The following VWCE variants were observed in gnomAD, a reference collection of about 807,000 sequenced individuals.
VWCE encodes the protein von Willebrand factor C and EGF domain-containing protein.
A neutral mutation model predicts 102.9 loss-of-function variants in VWCE; 68 were observed. The observed-to-expected ratio is 0.66, with a 90% confidence interval of 0.54 to 0.81. The LOEUF is 0.81. Among genes scored for constraint, VWCE ranks in the 30% least tolerant of loss-of-function variants. The pLI is 0.00. For synonymous variants in VWCE, 497 were observed against 515.4 expected, an observed-to-expected ratio of 0.96 and a Z score of 0.48; for missense variants, 1,137 against 1,263.6, an observed-to-expected ratio of 0.90 and a Z score of 1.52.
At chr11:61,266,463 G>A (rs1192454721) in intron 16 of VWCE, among the ~76,000 whole-genome samples, 6 of 151,868 alleles carry the variant, frequency 4.0e-5, no homozygotes, top group South Asian at 4.2e-4. Flanking sequence ...TAGGAGGATC[G>A]CTTGAGCCCA....
rs1213539090 is a variant in VWCE at position 61,259,276 on chromosome 11, G to A, written c.2267C>T (p.Ser756Phe). 2 of 1,599,550 alleles carry A rather than the reference G, an allele frequency of 1.3e-6. No individual in the cohort carries two copies. The highest frequency in any genetic ancestry group is 8.5e-7 in the Non-Finnish European group (1 of 1,171,488). Residue 756 changes from serine (S) to phenylalanine (F), a missense_variant, in exon 20 of 20, where the codon TCC (serine) becomes TTC (phenylalanine). Physicochemically the swap from Ser to Phe is radical, Grantham distance 155. Coordinates refer to ENST00000335613, the MANE Select transcript of VWCE (RefSeq NM_152718.2). ...LSPLEEKQGL[S>F]PHGNVAFSKA... ...GCTGAATGCCACATTTCCGTGAGGGGAGAGCCCCTGCTTTTCTTCCAGAGG... is the reference window on the plus strand; with the variant it reads ...GCTGAATGCCACATTTCCGTGAGGGAAGAGCCCCTGCTTTTCTTCCAGAGG...
At chr11:61,292,941 C>A (rs572142971) in intron 1 of VWCE, among the ~76,000 whole-genome samples, 28 of 151,506 alleles carry the variant, frequency 1.8e-4, no homozygotes, top group African/African-American at 6.8e-4. Flanking sequence ...AACCCTGTCT[C>A]CACTAAAAAA....
rs1855098779 is a variant in VWCE at position 61,280,797 on chromosome 11, C to T, written c.1226G>A (p.Cys409Tyr). ...CCGGGGACCCCTAGTACCCACCTCGCACCAGCACTGGGAACACCCAGGCTC... is the reference window on the plus strand; with the variant it reads ...CCGGGGACCCCTAGTACCCACCTCGTACCAGCACTGGGAACACCCAGGCTC... Reference protein sequence around the residue: ...WTEPGCSQCWCEDGKVTCEKV... With the variant: ...WTEPGCSQCWYEDGKVTCEKV... Residue 409 changes from cysteine (C) to tyrosine (Y), a missense_variant, in exon 8 of 20, where the codon TGC becomes TAC. Physicochemically the swap from Cys to Tyr is radical, Grantham distance 194 (BLOSUM62 -2). Around this residue, in one of 5 missense-constraint regions of VWCE, gnomAD observed 575 missense variants for 625.9 expected, o/e 0.92. Transcript: ENST00000335613. The T allele has an allele frequency of 1.9e-6, 3 of 1,598,124 alleles. No individual in the cohort carries two copies. The highest frequency in any genetic ancestry group is 2.2e-5 in the East Asian group (1 of 44,792).
Position 61,294,896 on chromosome 11 carries a change from C to CG in VWCE, c.110+31dup, listed in dbSNP as rs1270962278. 9 of 1,346,640 alleles carry CG rather than the reference C, an allele frequency of 6.7e-6. No individual in the cohort carries two copies. Among genetic ancestry groups the CG allele is most frequent in the Admixed American group, 3.1e-5 (1 of 31,912 alleles). The allele number at this position is 1,346,640 out of a possible 1,614,324, so 83.4% of individuals were successfully genotyped here. On this transcript the variant is annotated intron_variant, in intron 1 of 19. Coordinates refer to ENST00000335613, the MANE Select transcript of VWCE (RefSeq NM_152718.2). This position sits in a 1 kb window ranked among gnomAD's most constrained non-coding sequence, Gnocchi z 6.3. ...TGCACGCCGGTAGCGCTCTCCCGGG[C>CG]GGGGGAGCGGGGAGGAGCTCCGGGC...
intron 16 of VWCE, 89 bp downstream of exon 16, chr11:61,267,373 G>A: frequency 7.7e-7 from 1 of 1,302,554 alleles, no homozygotes; most frequent in Non-Finnish European, 1.1e-6. Context: ...TGTCTTGGAG[G>A]TCTCTGGATT....
chr11:61,264,431 A>G, intron 19 of VWCE, 56 bp downstream of exon 19: 4 of 1,546,788 alleles, frequency 2.6e-6, no homozygotes, highest in South Asian at 1.2e-5. Flanking sequence ...ACCGGGGAAG[A>G]AAAGTAAAAT....
intron 10 of VWCE, among the ~76,000 whole-genome samples, chr11:61,277,399 A>G (rs1854962090): frequency 6.7e-6 from 1 of 149,824 alleles, no homozygotes; most frequent in Non-Finnish European, 1.5e-5. Context: ...GCTTGAGCCC[A>G]GGAATTTGAG....
chr11:61,293,486 A>T (rs1397882407), intron 1 of VWCE, among the ~76,000 whole-genome samples: 1 of 151,402 alleles, frequency 6.6e-6, no homozygotes, highest in Non-Finnish European at 1.5e-5. Context: ...CTAGCAGGGG[A>T]AACAGCACAA....
chr11:61,292,660 G>A (rs911335030), intron 1 of VWCE, among the ~76,000 whole-genome samples: 1 of 152,168 alleles, frequency 6.6e-6, no homozygotes, highest in Non-Finnish European at 1.5e-5. Context: ...GCATCCAACT[G>A]GTGCTGGGTG....
Position 61,278,462 on chromosome 11 carries a change from C to T in VWCE, c.1339G>A (p.Gly447Ser). ...ACATCCCCTTCAGCTCGGACGACAC[C>T]ACTGTGAAAACAGCCTTTGAAGGAC... is the stretch of plus-strand genomic sequence containing the variant. The part of the protein sequence containing the change: ...CPSCTGCFHS[G>S]VVRAEGDVFS... Residue 447 changes from glycine (G) to serine (S), a missense_variant, in exon 10 of 20, where the codon GGT becomes AGT. Gly to Ser is a moderately conservative substitution (Grantham distance 56, BLOSUM62 0). This residue lies in a region of VWCE where 575 missense variants were observed against 625.9 expected (regional missense o/e 0.92). Transcript: ENST00000335613. The T allele has an allele frequency of 6.2e-7, 1 of 1,614,136 alleles. No homozygotes were observed.
At chr11:61,270,824 A>G (rs1178595041) in intron 14 of VWCE, among the ~76,000 whole-genome samples, 1 of 138,540 alleles carries the variant, frequency 7.2e-6, no homozygotes, top group African/African-American at 2.8e-5. Flanking sequence ...TGTTACACAC[A>G]CTTTTTTTTT....
chr11:61,273,427 G>T, intron 12 of VWCE, 111 bp from the exon 13 acceptor site: 1 of 987,808 alleles, frequency 1.0e-6, no homozygotes, highest in Non-Finnish European at 1.5e-6. Flanking sequence ...CTACTCAAGT[G>T]AAACTGACAA....
chr11:61,267,656 T>C, intron 15 of VWCE, 112 bp from the exon 16 acceptor site: 2 of 936,974 alleles, frequency 2.1e-6, no homozygotes, highest in Non-Finnish European at 1.7e-6. Flanking sequence ...GCCATGTGCC[T>C]CCCCAGGCAG....
intron 14 of VWCE, chr11:61,269,372 C>T (rs1854605353): frequency 4.3e-6 from 1 of 230,734 alleles, no homozygotes; most frequent in East Asian, 8.9e-5. Context: ...ACCATAAAAC[C>T]CTATTTTTAG....
rs143604690 is a variant in VWCE at position 61,268,962 on chromosome 11, C to A, written c.1842G>T (p.Pro614=). The A allele has an allele frequency of 8.0e-5, 129 of 1,614,150 alleles. 2 individuals carry two copies. The African/African-American group carries it at 1.4e-3, about 17-fold the overall frequency. ...RTDCVDSCPH[P]IRIPGQCCPD... ...GGCAGCACTGTCCAGGGATCCGGAT[C>A]GGGTGAGGGCAGGAGTCCACACAGT... is the stretch of plus-strand genomic sequence containing the variant. The change falls in exon 15 of 20, where the codon CCG becomes CCT. Residue 614 remains proline, a synonymous_variant. Transcript: ENST00000335613.
At chr11:61,265,075 G>C in intron 17 of VWCE, 37 bp from the exon 18 acceptor site, 1 of 1,613,946 alleles carries the variant, frequency 6.2e-7, no homozygotes, top group Non-Finnish European at 8.5e-7. Context: ...CATGAGAGCC[G>C]AGGCCTGGCC....
At position 61,289,488 on chromosome 11, in the gene VWCE, G is replaced by A. The variant is rs180843568; in HGVS notation, c.424+1311C>T. On this transcript the variant is annotated intron_variant, in intron 4 of 19. Transcript: ENST00000335613. Reference sequence around the variant, plus strand: ...TGGTCTTGAACTCCTGACCTCAAGTGATCCACCCGCCTCGGCCTCCCAAAG... The same window carrying A: ...TGGTCTTGAACTCCTGACCTCAAGTAATCCACCCGCCTCGGCCTCCCAAAG... Among the ~76,000 whole-genome samples the A allele has an allele frequency of 6.7e-3, 1,018 of 151,984 alleles. 13 individuals are homozygous for A. Among genetic ancestry groups the A allele is most frequent in the African/African-American group, 0.024 (984 of 41,440 alleles).
intron 9 of VWCE, among the ~76,000 whole-genome samples, chr11:61,279,976 C>G (rs1021140072): frequency 1.3e-5 from 2 of 152,230 alleles, no homozygotes; most frequent in Admixed American, 1.3e-4. Flanking sequence ...ATCCGCCCAC[C>G]TCGGCCTCCC....
At chr11:61,271,633 C>A (rs756763522) in intron 14 of VWCE, 42 bp downstream of exon 14, 3 of 1,565,210 alleles carry the variant, frequency 1.9e-6, no homozygotes, top group South Asian at 2.3e-5. Flanking sequence ...TGAGGCGGGG[C>A]AGCCAGGTAA....
Sources: allele counts gnomAD v4.1 joint callset (sites outside exome capture counted in the v4.1 genomes callset), GRCh38; gene constraint gnomAD v4.1.1; regional missense constraint gnomAD v4.1.1; non-coding constraint Gnocchi (gnomAD v3.1); transcripts MANE v1.5; gene names NCBI Gene and HGNC (gene_info 2026-07-23, HGNC 2026-07-21).